The following PTPRN2 variants were observed in gnomAD, a reference collection of about 807,000 sequenced individuals.
PTPRN2 encodes protein tyrosine phosphatase receptor type N2.
In PTPRN2, 74 loss-of-function variants were observed where a neutral mutation model predicts 118.8. The observed-to-expected ratio is 0.62, with a 90% confidence interval of 0.52 to 0.76. The LOEUF is 0.76. PTPRN2 is among the 30% of genes least tolerant of loss of function. The pLI, the probability that PTPRN2 is intolerant of heterozygous loss-of-function variation, is 0.00. For synonymous variants in PTPRN2, 641 were observed against 608.0 expected (o/e 1.05, Z -0.80); for missense variants, 1,481 against 1,394.4 (o/e 1.06, Z -0.99).
chr7:158,395,291 T>TGAGGGGC lies in PTPRN2; in HGVS notation c.164-78360_164-78359insGCCCCTC, dbSNP rs1268964023. 2.9e-3 allele frequency among the ~76,000 whole-genome samples: 140 copies of TGAGGGGC among 48,790 alleles called. 1 individual carries two copies. Among genetic ancestry groups the TGAGGGGC allele is most frequent in the Non-Finnish European group, 3.3e-3 (79 of 23,650 alleles). 32.0% of individuals were successfully genotyped at this position (48,790 alleles called of 152,430 possible). A position where few individuals can be genotyped will look rare whatever the true frequency, so the allele number is the denominator to read the frequency against. ...GGGCTGTCCCTGCACAAGTGAGGGGTGAGGGGTGAGGGGCGAGGGGTGAGG... is the reference window on the plus strand; with the variant it reads ...GGGCTGTCCCTGCACAAGTGAGGGGTGAGGGGCGAGGGGTGAGGGGCGAGGGGTGAGG... On this transcript the variant is annotated intron_variant, in intron 2 of 22. Transcript: ENST00000389418.
At chr7:158,459,778 C>T (rs1451607614) in intron 2 of PTPRN2, among the ~76,000 whole-genome samples, 1 of 151,910 alleles carries the variant, frequency 6.6e-6, no homozygotes, top group Non-Finnish European at 1.5e-5. Context: ...GGATGGGGCC[C>T]TATCTACATG....
intron 9 of PTPRN2, among the ~76,000 whole-genome samples, chr7:158,114,705 C>T (rs757411921): frequency 1.3e-4 from 20 of 152,312 alleles, no homozygotes; most frequent in Admixed American, 4.6e-4. Flanking sequence ...AAGCCACCGG[C>T]CACGGCCCTG....
chr7:157,889,136 C>T (rs936608711), intron 12 of PTPRN2, among the ~76,000 whole-genome samples: 1 of 152,054 alleles, frequency 6.6e-6, no homozygotes, highest in Non-Finnish European at 1.5e-5. Context: ...AAGTCCAAAG[C>T]CCCAACTGAC....
intron 12 of PTPRN2, among the ~76,000 whole-genome samples, chr7:157,720,103 G>A (rs1181735949): frequency 6.6e-6 from 1 of 152,190 alleles, no homozygotes; most frequent in African/African-American, 2.4e-5. Flanking sequence ...TTTTGGCTGG[G>A]GTGTCAGATA....
At chr7:158,520,928 A>T (rs1459410762) in intron 1 of PTPRN2, among the ~76,000 whole-genome samples, 1 of 152,148 alleles carries the variant, frequency 6.6e-6, no homozygotes, top group Admixed American at 6.5e-5. Context: ...GGCAAACCAC[A>T]GGCACCCTGC....
intron 9 of PTPRN2, among the ~76,000 whole-genome samples, chr7:158,130,912 C>CACACACGCAT (rs1554549690): frequency 4.0e-5 from 6 of 148,170 alleles, no homozygotes; most frequent in African/African-American, 1.5e-4. Flanking sequence ...TCTACCGACA[C>CACACACGCAT]ACACACTCAT....
chr7:158,401,651 A>C (rs372370860), intron 2 of PTPRN2, among the ~76,000 whole-genome samples: 2 of 152,398 alleles, frequency 1.3e-5, no homozygotes, highest in East Asian at 3.9e-4. Context: ...TTTAATAACT[A>C]AATTCTTAGG....
chr7:157,722,071 A>T (rs1415374074), intron 12 of PTPRN2, among the ~76,000 whole-genome samples: 1 of 152,052 alleles, frequency 6.6e-6, no homozygotes, highest in African/African-American at 2.4e-5. Flanking sequence ...CATTGTCTGT[A>T]TCTGGCAGCA....
At chr7:158,214,140 G>T (rs2150773025) in intron 3 of PTPRN2, among the ~76,000 whole-genome samples, 1 of 152,174 alleles carries the variant, frequency 6.6e-6, no homozygotes, top group South Asian at 2.1e-4. Context: ...CATCTCCTAT[G>T]AACTTCTGTC....
At chr7:157,950,750 G>T (rs770540148) in intron 11 of PTPRN2, among the ~76,000 whole-genome samples, 3 of 152,110 alleles carry the variant, frequency 2.0e-5, no homozygotes, top group African/African-American at 4.8e-5. Flanking sequence ...GAGTGAAAGC[G>T]CCTTCTTTCC....
chr7:157,673,600 C>G (rs975774643), intron 13 of PTPRN2, among the ~76,000 whole-genome samples: 2 of 152,052 alleles, frequency 1.3e-5, no homozygotes, highest in African/African-American at 4.8e-5. Context: ...TGGCCCCTCT[C>G]TCTCTGAGCT....
intron 2 of PTPRN2, among the ~76,000 whole-genome samples, chr7:158,401,194 C>T (rs560492113): frequency 3.4e-5 from 5 of 146,694 alleles, no homozygotes; most frequent in African/African-American, 7.7e-5. Flanking sequence ...ACCTGGAAGG[C>T]GGGCTCCAAG....
At chr7:158,578,537 T>TAAAAA (rs59811856) in intron 1 of PTPRN2, among the ~76,000 whole-genome samples, 1 of 125,906 alleles carries the variant, frequency 7.9e-6, no homozygotes, top group African/African-American at 3.0e-5. Flanking sequence ...CCTGTCTCTG[T>TAAAAA]AAAAAAAAAA....
intron 11 of PTPRN2, among the ~76,000 whole-genome samples, chr7:157,936,012 A>C (rs1217532572): frequency 6.6e-6 from 1 of 152,126 alleles, no homozygotes; most frequent in Non-Finnish European, 1.5e-5. Context: ...CATCTTCAGC[A>C]TCTGTGTCGC....
chr7:158,220,407 C>T (rs931386461), intron 3 of PTPRN2, among the ~76,000 whole-genome samples: 2 of 152,058 alleles, frequency 1.3e-5, no homozygotes, highest in African/African-American at 2.4e-5. Flanking sequence ...ATATACTATA[C>T]ATAGAAACCC....
intron 2 of PTPRN2, among the ~76,000 whole-genome samples, chr7:158,471,145 G>C (rs1329334213): frequency 1.3e-5 from 2 of 152,130 alleles, no homozygotes; most frequent in Non-Finnish European, 2.9e-5. Flanking sequence ...TAATTGGTGA[G>C]AAGCTGAGCA....
chr7:157,652,947 C>T (rs2530403), intron 14 of PTPRN2, among the ~76,000 whole-genome samples: 129,691 of 152,216 alleles, frequency 0.85, 55,666 homozygotes, highest in Admixed American at 0.91. Context: ...GGGTAGAGTG[C>T]CCCAGGGCGG....
At chr7:158,081,103 C>G (rs2128930963) in intron 11 of PTPRN2, among the ~76,000 whole-genome samples, 195 bp downstream of exon 11, 1 of 152,342 alleles carries the variant, frequency 6.6e-6, no homozygotes, top group Non-Finnish European at 1.5e-5. Flanking sequence ...CCACGGACAG[C>G]CACATTGCCC....
chr7:158,149,881 G>C (rs770914545), intron 6 of PTPRN2, among the ~76,000 whole-genome samples: 2 of 150,956 alleles, frequency 1.3e-5, no homozygotes, highest in Non-Finnish European at 2.9e-5. Context: ...TGGGATCTAA[G>C]TTATGCTGAA....
Sources: gnomAD v4.1 joint callset for allele counts (sites outside exome capture counted in the v4.1 genomes callset) on GRCh38, gnomAD v4.1.1 for gene constraint, MANE v1.5 for transcripts, NCBI Gene and HGNC (gene_info 2026-07-23, HGNC 2026-07-21) for gene names.